TANGO2: variants seen among roughly 807,000 people sequenced by gnomAD.
TANGO2 encodes the protein transport and golgi organization 2 homolog.
In TANGO2, 26 loss-of-function variants were observed where a neutral mutation model predicts 39.1. That is an observed-to-expected ratio of 0.67 (90% CI 0.49 to 0.92). TANGO2 has a LOEUF of 0.92. TANGO2 is among the 40% of genes least tolerant of loss of function. The probability of loss-of-function intolerance (pLI) is 0.00; values close to 1 mark genes in which losing one functional copy is unlikely to be tolerated. For missense variants in TANGO2, 326 were observed against 360.1 expected, an observed-to-expected ratio of 0.91 and a Z score of 0.77; for synonymous variants, 131 against 144.5, an observed-to-expected ratio of 0.91 and a Z score of 0.67.
At chr22:20,029,085 TTTC>T (rs1382590995) in intron 1 of TANGO2, among the ~76,000 whole-genome samples, 1 of 152,240 alleles carries the variant, frequency 6.6e-6, no homozygotes, top group Admixed American at 6.5e-5. Context: ...TCTGAATGGT[TTTC>T]TTGTCGTGCC....
In TANGO2 at chr22:20,064,896, C is replaced by A. The variant is rs1001202853; in HGVS notation, c.*234C>A. ...GTCTGATACTAGGTCTAGGACCGGCCGAGGTATACCATGAACATGTGGATA... is the reference window on the plus strand; with the variant it reads ...GTCTGATACTAGGTCTAGGACCGGCAGAGGTATACCATGAACATGTGGATA... On this transcript the variant is annotated 3_prime_UTR_variant, in exon 9 of 9. Coordinates refer to ENST00000327374, the MANE Select transcript of TANGO2 (RefSeq NM_152906.7). The A allele has an allele frequency of 3.7e-6, 2 of 536,258 alleles. No individual in the cohort carries two copies. Among genetic ancestry groups the A allele is most frequent in the Non-Finnish European group, 6.6e-6 (2 of 302,950 alleles). The allele number at this position is 536,258 out of a possible 1,614,324, so 33.2% of individuals were successfully genotyped here. A position where few individuals can be genotyped will look rare whatever the true frequency, so the allele number is the denominator to read the frequency against.
upstream of TANGO2, among the ~76,000 whole-genome samples, chr22:20,020,102 T>G (rs1482629648): frequency 1.3e-5 from 2 of 152,240 alleles, no homozygotes; most frequent in African/African-American, 4.8e-5. Flanking sequence ...GAAGCTAATG[T>G]GGCCTCTCTT....
chr22:20,024,872 G>T (rs1271596614), intron 1 of TANGO2, among the ~76,000 whole-genome samples: 1 of 152,056 alleles, frequency 6.6e-6, no homozygotes. Flanking sequence ...CAGGTGTGGT[G>T]TTGCTGCGAC....
At chr22:20,043,222 A>G in intron 2 of TANGO2, 133 bp from the exon 3 acceptor site, 2 of 664,492 alleles carry the variant, frequency 3.0e-6, no homozygotes, top group Non-Finnish European at 5.4e-6. Context: ...TGGGTGCAGC[A>G]GGACTGCCGG....
rs695718 is a variant in TANGO2 at position 20,046,460 on chromosome 22, ATTT to A, written c.145+3037_145+3039del. Among the ~76,000 whole-genome samples the A allele has an allele frequency of 8.7e-3, 855 of 98,562 alleles. 6 individuals carry two copies. Among genetic ancestry groups the A allele is most frequent in the African/African-American group, 0.033 (765 of 23,462 alleles). The allele number at this position is 98,562 out of a possible 152,430, so 64.7% of individuals were successfully genotyped here. A position where few individuals can be genotyped will look rare whatever the true frequency, so the allele number is the denominator to read the frequency against. On this transcript the variant is annotated intron_variant, in intron 3 of 8. Coordinates refer to ENST00000327374, the MANE Select transcript of TANGO2 (RefSeq NM_152906.7). ...CATGGTGCCCAGCCAAGGCTGGGTA[ATTT>A]TTTTTTTTTTTTTTTTTTTGAGACA...
At position 20,057,651 on chromosome 22, in the gene TANGO2, G is replaced by A. The variant is rs1236817781; in HGVS notation, c.451+1638G>A. ...GAGCTTGCAAAGGATTGTTCTGGCT[G>A]TCTCAGCCAGCTCTTGCTGTTCCAC... On this transcript the variant is annotated intron_variant, in intron 6 of 8. Coordinates refer to ENST00000327374, the MANE Select transcript of TANGO2 (RefSeq NM_152906.7). The surrounding 1 kb of genome is among the most constrained non-coding windows in gnomAD (Gnocchi z 4.1). Among the ~76,000 whole-genome samples the A allele has an allele frequency of 1.3e-5, 2 of 152,224 alleles. No individual in the cohort carries two copies. The highest frequency in any genetic ancestry group is 2.9e-5 in the Non-Finnish European group (2 of 68,036).
intron 1 of TANGO2, among the ~76,000 whole-genome samples, chr22:20,023,728 G>A (rs1329079511): frequency 2.0e-5 from 3 of 152,036 alleles, no homozygotes; most frequent in Non-Finnish European, 4.4e-5. Flanking sequence ...GGTGGTGGCA[G>A]GCACCTGTAG....
At chr22:20,023,732 C>T (rs961823964) in intron 1 of TANGO2, among the ~76,000 whole-genome samples, 1 of 151,944 alleles carries the variant, frequency 6.6e-6, no homozygotes, top group Non-Finnish European at 1.5e-5. Context: ...GTGGCAGGCA[C>T]CTGTAGTCCC....
chr22:20,038,467 C>A (rs920985088), intron 2 of TANGO2, among the ~76,000 whole-genome samples: 1 of 152,032 alleles, frequency 6.6e-6, no homozygotes, highest in African/African-American at 2.4e-5. Context: ...TGATGGCTGG[C>A]CTGCGGGTGC....
chr22:20,063,862 C>A (rs1164720581), intron 8 of TANGO2, among the ~76,000 whole-genome samples: 2 of 152,248 alleles, frequency 1.3e-5, no homozygotes, highest in Non-Finnish European at 2.9e-5. Flanking sequence ...ATAGGCTCAT[C>A]TTCCTGTGTG....
At chr22:20,038,305 C>T (rs1274985819) in intron 2 of TANGO2, among the ~76,000 whole-genome samples, 5 of 152,266 alleles carry the variant, frequency 3.3e-5, no homozygotes, top group Admixed American at 2.6e-4. Flanking sequence ...TTGTTGCAGC[C>T]GCCTGGTCTG....
chr22:20,063,292 C>A, intron 7 of TANGO2, 46 bp from the exon 8 acceptor site: 1 of 1,572,662 alleles, frequency 6.4e-7, no homozygotes, highest in Non-Finnish European at 8.7e-7. Context: ...CGGCTGCGGG[C>A]GGGCCACAGA....
intron 1 of TANGO2, among the ~76,000 whole-genome samples, chr22:20,033,931 C>A (rs1458635749): frequency 6.6e-6 from 1 of 152,238 alleles, no homozygotes; most frequent in Non-Finnish European, 1.5e-5. Context: ...TTTGGCCAGG[C>A]ATGGTGGCTC....
chr22:20,064,641 T>C lies in TANGO2; in HGVS notation c.810T>C (p.Tyr270=), dbSNP rs759747763. ...KDLSHWETRT[Y]EFTLQS is the part of the protein sequence containing the mutation. ...TCTCCCACTGGGAGACCAGAACCTATGAGTTCACACTGCAGAGCTAACCCC... is the reference window on the plus strand; with the variant it reads ...TCTCCCACTGGGAGACCAGAACCTACGAGTTCACACTGCAGAGCTAACCCC... Residue 270 remains tyrosine (Y), a synonymous_variant, in exon 9 of 9, where the codon TAT becomes TAC. Coordinates refer to ENST00000327374, the MANE Select transcript of TANGO2 (RefSeq NM_152906.7). 5.6e-6 allele frequency: 9 copies of C among 1,614,116 alleles called. No individual in the cohort carries two copies. The highest frequency in any genetic ancestry group is 2.2e-5 in the South Asian group (2 of 91,084).
intron 2 of TANGO2, among the ~76,000 whole-genome samples, chr22:20,042,000 T>A (rs1184992752): frequency 6.6e-6 from 1 of 151,736 alleles, no homozygotes; most frequent in African/African-American, 2.4e-5. Context: ...TTTTTTTTTT[T>A]AGAGACAGGG....
At chr22:20,030,230 C>T (rs1319463579) in intron 1 of TANGO2, among the ~76,000 whole-genome samples, 6 of 150,132 alleles carry the variant, frequency 4.0e-5, no homozygotes, top group South Asian at 2.1e-4. Context: ...TGCAATGGCA[C>T]GATCTCGGTT....
chr22:20,037,128 C>A, intron 2 of TANGO2: 2 of 1,507,000 alleles, frequency 1.3e-6, no homozygotes, highest in Non-Finnish European at 1.8e-6. Context: ...TCCAGGTGGG[C>A]TGCAGTTCTA....
chr22:20,056,123 T>C, intron 6 of TANGO2, 110 bp downstream of exon 6: 1 of 927,798 alleles, frequency 1.1e-6, no homozygotes, highest in Non-Finnish European at 1.7e-6. Flanking sequence ...TGAGATGACT[T>C]TGTGGCCATT....
rs1568933267 is a variant in TANGO2, at chr22:20,065,043, G to GCACAGGTGTGCTACACATGTGCACACA, written c.*381_*382insCACAGGTGTGCTACACATGTGCACACA. The stretch of plus-strand genomic sequence containing the variant: ...TGGACACCGACACAGGCACATGTAC[G>GCACAGGTGTGCTACACATGTGCACACA]TGCACAGGTGTGCTACACATGTGCA... On this transcript the variant is annotated 3_prime_UTR_variant, in exon 9 of 9. Coordinates refer to ENST00000327374, the MANE Select transcript of TANGO2 (RefSeq NM_152906.7). The GCACAGGTGTGCTACACATGTGCACACA allele has an allele frequency of 2.1e-4, 49 of 233,444 alleles. 1 individual carries two copies. In the East Asian group the frequency reaches 4.6e-3, roughly 22 times the overall value. 14.5% of individuals were successfully genotyped at this position (233,444 alleles called of 1,614,324 possible).
Sources: allele counts gnomAD v4.1 joint callset (sites outside exome capture counted in the v4.1 genomes callset), GRCh38; gene constraint gnomAD v4.1.1; non-coding constraint Gnocchi (gnomAD v3.1); transcripts MANE v1.5; gene names NCBI Gene and HGNC (gene_info 2026-07-23, HGNC 2026-07-21).